Variants in UGT2A1 observed in about 807,000 individuals in gnomAD.
UGT2A1 encodes the protein UDP-glucuronosyltransferase 2A1.
UGT2A1 carries 61 observed loss-of-function variants against 45.4 expected under a neutral mutation model. The ratio of observed to expected loss-of-function variants is 1.34; its 90% CI spans 1.09 to 1.66. The LOEUF is 1.66. Among genes scored for constraint, UGT2A1 ranks in the 40% most tolerant of loss-of-function variants. The pLI is 0.00. For missense variants in UGT2A1, 649 were observed against 574.3 expected (o/e 1.13, Z -1.33); for synonymous variants, 229 against 196.2 (o/e 1.17, Z -1.40).
In UGT2A1 at chr4:69,630,353, TAA is replaced by T. The variant is rs1721314484; in HGVS notation, c.847+5336_847+5337del. On this transcript the variant is annotated intron_variant, in intron 3 of 6. Transcript: ENST00000286604. ...TGCCATGCAGCGTCTTTACTCTTTA[TAA>T]CTCCCCATTCCCACCTCTTCCCGGT... is the stretch of plus-strand genomic sequence containing the variant. Among the ~76,000 whole-genome samples, 3 of 152,182 alleles carry T rather than the reference TAA, an allele frequency of 2.0e-5. No individual in the cohort carries two copies. The East Asian group carries it at 5.8e-4, about 29-fold the overall frequency.
intron 3 of UGT2A1, among the ~76,000 whole-genome samples, chr4:69,626,161 T>A (rs905950701): frequency 1.3e-5 from 2 of 151,640 alleles, no homozygotes; most frequent in East Asian, 1.9e-4. Flanking sequence ...TATTTTTTTT[T>A]AATTCTGTTA....
At chr4:69,602,072 G>T (rs192238699) in intron 3 of UGT2A1, among the ~76,000 whole-genome samples, 1 of 136,776 alleles carries the variant, frequency 7.3e-6, no homozygotes, top group East Asian at 2.1e-4. Flanking sequence ...ATGATTATCT[G>T]ACTAAATCTA....
At chr4:69,601,344 C>G (rs548537653) in intron 3 of UGT2A1, among the ~76,000 whole-genome samples, 6 of 152,242 alleles carry the variant, frequency 3.9e-5, no homozygotes, top group African/African-American at 1.4e-4. Context: ...GGTGGCTTAA[C>G]AGAAAGGACA....
At position 69,628,369 on chromosome 4, in the gene UGT2A1, G is replaced by A. The variant is rs184154011; in HGVS notation, c.847+7322C>T. 2.0e-5 allele frequency among the ~76,000 whole-genome samples: 3 copies of A among 151,918 alleles called. No individual in the cohort carries two copies. The East Asian group carries it at 5.8e-4, about 29-fold the overall frequency. On this transcript the variant is annotated intron_variant, in intron 3 of 6. Transcript: ENST00000286604. Reference sequence around the variant, plus strand: ...CCCTAGTTTCAAAATACACTACAAAGTGACAAGAATCCAAACAGTATTAAA... The same window carrying A: ...CCCTAGTTTCAAAATACACTACAAAATGACAAGAATCCAAACAGTATTAAA...
At chr4:69,601,746 A>AGCTGGTGCTAACAAC (rs376517060) in intron 3 of UGT2A1, among the ~76,000 whole-genome samples, 14 of 139,770 alleles carry the variant, frequency 1.0e-4, no homozygotes, top group South Asian at 4.7e-4. Context: ...GCTGGTATCC[A>AGCTGGTGCTAACAAC]CTGATGGGAG....
At position 69,606,200 on chromosome 4, in the gene UGT2A1, C is replaced by T. The variant is rs971501090; in HGVS notation, c.848-6806G>A. ...TAAAATACTGGCAAACCAAATCCAG[C>T]GGCACATCAAAAAGCTTACCCACCA... On this transcript the variant is annotated intron_variant, in intron 3 of 6. Coordinates refer to ENST00000286604, the MANE Select transcript of UGT2A1 (RefSeq NM_001252275.3). Among the ~76,000 whole-genome samples, 9 of 136,104 alleles carry T rather than the reference C, an allele frequency of 6.6e-5. 1 individual carries two copies. The highest frequency in any genetic ancestry group is 2.4e-4 in the South Asian group (1 of 4,104). The allele number at this position is 136,104 out of a possible 152,430, so 89.3% of individuals were successfully genotyped here.
intron 3 of UGT2A1, among the ~76,000 whole-genome samples, chr4:69,606,162 C>T (rs1023485546): frequency 1.5e-5 from 2 of 136,056 alleles, no homozygotes; most frequent in South Asian, 2.4e-4. Context: ...AACATCGAGG[C>T]AAAAATCCTC....
chr4:69,632,102 T>C (rs989402512), intron 3 of UGT2A1, among the ~76,000 whole-genome samples: 3 of 152,198 alleles, frequency 2.0e-5, no homozygotes, highest in Non-Finnish European at 4.4e-5. Flanking sequence ...AAATGAAAGA[T>C]CTATTCCTAT....
At chr4:69,619,081 T>C (rs1309454347) in intron 3 of UGT2A1, among the ~76,000 whole-genome samples, 2 of 151,826 alleles carry the variant, frequency 1.3e-5, no homozygotes, top group African/African-American at 4.8e-5. Context: ...CAGAAAAAAG[T>C]TTATCAATAT....
chr4:69,651,058 T>A (rs760028350), intron 1 of UGT2A1, among the ~76,000 whole-genome samples: 20 of 152,242 alleles, frequency 1.3e-4, no homozygotes, highest in Admixed American at 3.9e-4. Context: ...ATTCATGTGA[T>A]ACATGTGATG....
intron 3 of UGT2A1, among the ~76,000 whole-genome samples, chr4:69,625,244 T>G (rs1021149657): frequency 1.3e-5 from 2 of 151,196 alleles, no homozygotes; most frequent in Admixed American, 6.6e-5. Flanking sequence ...CTCTTCAATA[T>G]ATTGATTATG....
Position 69,593,979 on chromosome 4 carries a change from TTG to T in UGT2A1, c.1304+496_1304+497del, listed in dbSNP as rs1491419514. ...TAATATTTGAAGTCTTTTTTTTTGT[TTG>T]TTTTTTTTTTTGAGACTGAGTCTTG... On this transcript the variant is annotated intron_variant, in intron 6 of 6. Coordinates refer to ENST00000286604, the MANE Select transcript of UGT2A1 (RefSeq NM_001252275.3). 2.7e-5 allele frequency among the ~76,000 whole-genome samples: 4 copies of T among 147,658 alleles called. 1 individual carries two copies. The highest frequency in any genetic ancestry group is 6.8e-5 in the Admixed American group (1 of 14,796).
At chr4:69,637,996 G>A (rs1213316031) in intron 2 of UGT2A1, among the ~76,000 whole-genome samples, 1 of 150,848 alleles carries the variant, frequency 6.6e-6, no homozygotes, top group Admixed American at 6.6e-5. Context: ...AGGAAGGCAG[G>A]CAGGAAGGAA....
chr4:69,637,015 C>T (rs1428148671), intron 2 of UGT2A1, among the ~76,000 whole-genome samples: 2 of 152,054 alleles, frequency 1.3e-5, no homozygotes, highest in East Asian at 3.9e-4. Context: ...CATTCAGTAG[C>T]TGCAATAATC....
chr4:69,612,591 T>C (rs1720129097), intron 3 of UGT2A1, among the ~76,000 whole-genome samples: 1 of 151,944 alleles, frequency 6.6e-6, no homozygotes, highest in African/African-American at 2.4e-5. Flanking sequence ...CAAAACCATT[T>C]GATTTTTCAC....
At chr4:69,648,129 A>C (rs114570570) in intron 1 of UGT2A1, among the ~76,000 whole-genome samples, 1,750 of 151,166 alleles carry the variant, frequency 0.012, 28 homozygotes, top group South Asian at 0.047. Flanking sequence ...ACAATTAAAC[A>C]TTATAATAAC....
At chr4:69,597,610 G>A (rs1218276785) in intron 4 of UGT2A1, among the ~76,000 whole-genome samples, 1 of 152,082 alleles carries the variant, frequency 6.6e-6, no homozygotes, top group African/African-American at 2.4e-5. Flanking sequence ...AAAATAGATT[G>A]CTATTTTTGG....
In UGT2A1 at chr4:69,647,392, C is replaced by T. The variant is rs932552017; in HGVS notation, c.253G>A (p.Gly85Arg). The change falls in exon 2 of 7, where the codon GGA becomes AGA. Residue 85 changes from glycine to arginine, a missense_variant. By Grantham distance (125) the Gly-to-Arg change is moderately radical. Transcript: ENST00000286604. Reference protein sequence around the residue: ...KVPFGKERIEGVIKDFVLTWL... With the variant: ...KVPFGKERIERVIKDFVLTWL... ...GTCAAAACGAAGTCCTTAATTACTC[C>T]TTCTATTCTTTCTTTGCCAAAGGGC... The T allele has an allele frequency of 8.2e-5, 133 of 1,612,944 alleles. No individual in the cohort carries two copies. The highest frequency in any genetic ancestry group is 1.3e-4 in the South Asian group (12 of 91,002).
intron 6 of UGT2A1, among the ~76,000 whole-genome samples, chr4:69,591,319 T>G (rs1050905276): frequency 6.6e-5 from 10 of 152,246 alleles, no homozygotes; most frequent in Admixed American, 1.3e-4. Flanking sequence ...AGAAATACAT[T>G]GGTTTGGTTT....
Sources: allele counts gnomAD v4.1 joint callset (sites outside exome capture counted in the v4.1 genomes callset), GRCh38; gene constraint gnomAD v4.1.1; transcripts MANE v1.5; gene names NCBI Gene and HGNC (gene_info 2026-07-23, HGNC 2026-07-21).